SGIP1: variants seen among roughly 807,000 people sequenced by gnomAD.
SGIP1 encodes SH3-containing GRB2-like protein 3-interacting protein 1.
SGIP1 carries 38 observed loss-of-function variants against 107.5 expected under a neutral mutation model. That is an observed-to-expected ratio of 0.35 (90% CI 0.27 to 0.46). The LOEUF is 0.46. SGIP1 is among the 20% of genes least tolerant of loss of function. The pLI, the probability that SGIP1 is intolerant of heterozygous loss-of-function variation, is 1.00. For missense variants in SGIP1, 929 were observed against 1,019.5 expected, an observed-to-expected ratio of 0.91 and a Z score of 1.21; for synonymous variants, 365 against 366.1, an observed-to-expected ratio of 1.00 and a Z score of 0.03.
intron 18 of SGIP1, among the ~76,000 whole-genome samples, chr1:66,697,800 A>G (rs1182481601): frequency 6.6e-6 from 1 of 152,166 alleles, no homozygotes; most frequent in Non-Finnish European, 1.5e-5. Context: ...ATTTACCTCG[A>G]GAGTAGTGCC....
chr1:66,695,271 A>AAAAAAAAAAAAATT, intron 17 of SGIP1, 163 bp from the exon 18 acceptor site: 49 of 1,325,780 alleles, frequency 3.7e-5, no homozygotes, highest in South Asian at 6.0e-5. Context: ...AAAAAAAAAA[A>AAAAAAAAAAAAATT]GTGTAGATTG....
chr1:66,633,104 TA>T lies in SGIP1; in HGVS notation c.99+13del. The T allele has an allele frequency of 6.6e-7, 1 of 1,518,452 alleles. No homozygotes were observed. Among genetic ancestry groups the T allele is most frequent in the South Asian group, 1.1e-5 (1 of 88,156 alleles). 94.1% of individuals were successfully genotyped at this position (1,518,452 alleles called of 1,614,324 possible). ...AGATAGAGATGGAATTGTAAGTATT[TA>T]AATAACCATTTTTACTGAGTTTGTG... is the stretch of plus-strand genomic sequence containing the variant. On this transcript the variant is annotated intron_variant, in intron 3 of 24. Coordinates refer to ENST00000371037, the MANE Select transcript of SGIP1 (RefSeq NM_032291.4).
intron 11 of SGIP1, among the ~76,000 whole-genome samples, chr1:66,672,328 G>T (rs1033069182): frequency 6.6e-6 from 1 of 152,072 alleles, no homozygotes; most frequent in African/African-American, 2.4e-5. Flanking sequence ...ATTACCCTAC[G>T]AAAAGAAGCC....
intron 1 of SGIP1, among the ~76,000 whole-genome samples, chr1:66,546,896 G>A (rs991556982): frequency 3.3e-5 from 5 of 152,176 alleles, no homozygotes; most frequent in African/African-American, 1.2e-4. Flanking sequence ...AGTCCCGACT[G>A]TGTCTGTTCG....
intron 1 of SGIP1, among the ~76,000 whole-genome samples, chr1:66,575,442 C>T (rs1181591259): frequency 6.6e-6 from 1 of 152,094 alleles, no homozygotes; most frequent in African/African-American, 2.4e-5. Flanking sequence ...TCCTCTCTAC[C>T]TGCTGTGGTT....
rs2094593789 is a variant in SGIP1, at chr1:66,749,309, T to C, written c.*6214T>C. ...CTTTAGGAAACTGAATCATGATAGA[T>C]CAATGTTGACAGTATTTTTACATCA... On this transcript the variant is annotated 3_prime_UTR_variant, in exon 25 of 25. Coordinates refer to ENST00000371037, the MANE Select transcript of SGIP1 (RefSeq NM_032291.4). Among the ~76,000 whole-genome samples, 2 of 151,968 alleles carry C rather than the reference T, an allele frequency of 1.3e-5. No individual in the cohort carries two copies. The highest frequency in any genetic ancestry group is 2.1e-4 in the South Asian group (1 of 4,826).
intron 1 of SGIP1, among the ~76,000 whole-genome samples, chr1:66,549,172 T>C (rs557342558): frequency 6.6e-6 from 1 of 151,272 alleles, no homozygotes; most frequent in South Asian, 2.1e-4. Flanking sequence ...CCTTCCTTCC[T>C]TCCTTCCTTC....
intron 11 of SGIP1, 111 bp from the exon 12 acceptor site, chr1:66,673,170 T>C (rs2084261284): frequency 9.5e-7 from 1 of 1,050,260 alleles, no homozygotes; most frequent in African/African-American, 1.6e-5. Context: ...CATGCACTGG[T>C]GCACACACAC....
intron 1 of SGIP1, among the ~76,000 whole-genome samples, chr1:66,576,450 G>A (rs896109047): frequency 6.6e-6 from 1 of 152,148 alleles, no homozygotes; most frequent in Non-Finnish European, 1.5e-5. Context: ...ATTTACCTTT[G>A]TAAGCCTCAG....
chr1:66,603,705 A>T (rs966419127), intron 1 of SGIP1, among the ~76,000 whole-genome samples: 4 of 152,190 alleles, frequency 2.6e-5, no homozygotes, highest in African/African-American at 9.7e-5. Flanking sequence ...TCTAGAATGG[A>T]AGAATAAATT....
intron 7 of SGIP1, among the ~76,000 whole-genome samples, chr1:66,650,267 T>A (rs889116520): frequency 6.6e-6 from 1 of 152,182 alleles, no homozygotes; most frequent in African/African-American, 2.4e-5. Flanking sequence ...ATCCCCTGAA[T>A]ACATATGGTA....
intron 1 of SGIP1, among the ~76,000 whole-genome samples, chr1:66,545,053 C>G (rs2056040232): frequency 6.6e-6 from 1 of 152,152 alleles, no homozygotes; most frequent in South Asian, 2.1e-4. Context: ...TAGCTCTTGA[C>G]TCTGTTCTCT....
At chr1:66,584,816 G>A (rs542333893) in intron 1 of SGIP1, among the ~76,000 whole-genome samples, 2 of 152,186 alleles carry the variant, frequency 1.3e-5, no homozygotes, top group Non-Finnish European at 2.9e-5. Flanking sequence ...CAGCAAATAT[G>A]ATAGATGAAC....
At position 66,743,598 on chromosome 1, in the gene SGIP1, C is replaced by G. The variant is rs544557381; in HGVS notation, c.*503C>G. 6.5e-6 allele frequency: 1 copy of G among 153,034 alleles called. No individual in the cohort carries two copies. Among genetic ancestry groups the G allele is most frequent in the African/African-American group, 2.4e-5 (1 of 41,562 alleles). 9.5% of individuals were successfully genotyped at this position (153,034 alleles called of 1,614,324 possible). ...GAAACAAACTTACTTTTCTTCAATG[C>G]TTAGTATGTTTTACTCTAGTGCTAA... On this transcript the variant is annotated 3_prime_UTR_variant, in exon 25 of 25. Transcript: ENST00000371037.
intron 7 of SGIP1, among the ~76,000 whole-genome samples, chr1:66,650,364 C>T (rs1031956904): frequency 6.6e-6 from 1 of 152,114 alleles, no homozygotes; most frequent in South Asian, 2.1e-4. Context: ...TTCTAACTCC[C>T]CCTTCAAATC....
At chr1:66,691,932 G>A (rs192929468) in intron 17 of SGIP1, among the ~76,000 whole-genome samples, 547 of 152,150 alleles carry the variant, frequency 3.6e-3, no homozygotes, top group African/African-American at 0.012. Flanking sequence ...AGGCCGAGGC[G>A]GGCAGATCAC....
At chr1:66,592,986 C>T (rs1329806886) in intron 1 of SGIP1, among the ~76,000 whole-genome samples, 2 of 144,256 alleles carry the variant, frequency 1.4e-5, no homozygotes, top group Non-Finnish European at 3.0e-5. Context: ...TCAAAAGATC[C>T]TCCCACCTTT....
chr1:66,657,420 T>C (rs1489571044), intron 7 of SGIP1, among the ~76,000 whole-genome samples: 1 of 152,168 alleles, frequency 6.6e-6, no homozygotes, highest in African/African-American at 2.4e-5. Context: ...CCATCAAAAC[T>C]GGTTTATATT....
intron 17 of SGIP1, among the ~76,000 whole-genome samples, chr1:66,693,935 C>G (rs925421513): frequency 6.6e-6 from 1 of 152,164 alleles, no homozygotes; most frequent in Non-Finnish European, 1.5e-5. Flanking sequence ...ATACAGGGAC[C>G]TTGGATTTAT....
Sources: allele counts gnomAD v4.1 joint callset (sites outside exome capture counted in the v4.1 genomes callset), GRCh38; gene constraint gnomAD v4.1.1; transcripts MANE v1.5; gene names NCBI Gene and HGNC (gene_info 2026-07-23, HGNC 2026-07-21).